Variants in RIMS2 observed in about 807,000 individuals in gnomAD.
RIMS2 encodes the protein regulating synaptic membrane exocytosis protein 2.
RIMS2 carries 59 observed loss-of-function variants against 174.4 expected under a neutral mutation model. The ratio of observed to expected loss-of-function variants is 0.34; its 90% CI spans 0.27 to 0.42. The LOEUF is 0.42. Ranked by LOEUF, RIMS2 falls within the 10% of genes least tolerant of loss-of-function variation. RIMS2 has a pLI of 1.00. For missense variants in RIMS2, 1,620 were observed against 1,666.3 expected (o/e 0.97, Z 0.48); for synonymous variants, 606 against 572.5 (o/e 1.06, Z -0.84).
rs374005483 is a variant in RIMS2, at chr8:103,695,085, C to G, written c.177-2001C>G. Among the ~76,000 whole-genome samples, 13 of 152,276 alleles carry G rather than the reference C, an allele frequency of 8.5e-5. No individual in the cohort carries two copies. In the South Asian group the frequency reaches 2.1e-3, roughly 24 times the overall value. On this transcript the variant is annotated intron_variant, in intron 1 of 23. Transcript: ENST00000504942. ...TGAGTGTTCTGTTCTCTCTTTTTCC[C>G]CCTAGCGATGAGTATCTCTGTTTAT... is the stretch of plus-strand genomic sequence containing the variant.
chr8:103,735,486 T>A (rs1159265233), intron 2 of RIMS2, among the ~76,000 whole-genome samples: 1 of 152,148 alleles, frequency 6.6e-6, no homozygotes, highest in Non-Finnish European at 1.5e-5. Flanking sequence ...TGTTCTTTTA[T>A]TTGAAGTTCT....
chr8:103,933,500 A>G (rs1054414582), intron 12 of RIMS2, among the ~76,000 whole-genome samples: 3 of 152,214 alleles, frequency 2.0e-5, no homozygotes, highest in African/African-American at 7.2e-5. Context: ...AATAAAAAAA[A>G]GAGTAAAAGA....
At chr8:103,784,693 C>G (rs2154435275) in intron 3 of RIMS2, among the ~76,000 whole-genome samples, 1 of 53,100 alleles carries the variant, frequency 1.9e-5, no homozygotes, top group South Asian at 7.5e-4. Flanking sequence ...AGTTTGAAGT[C>G]AGGTAGTGTG....
At chr8:103,978,838 T>G (rs1015583166) in intron 16 of RIMS2, among the ~76,000 whole-genome samples, 1 of 152,242 alleles carries the variant, frequency 6.6e-6, no homozygotes, top group Admixed American at 6.5e-5. Flanking sequence ...AATGTCAAAT[T>G]TATTGTGCGA....
At chr8:104,239,889 G>A (rs2099277683) in intron 19 of RIMS2, among the ~76,000 whole-genome samples, 1 of 152,108 alleles carries the variant, frequency 6.6e-6, no homozygotes, top group South Asian at 2.1e-4. Context: ...TTCTTGTCTG[G>A]AGGTTCTAGG....
At chr8:104,198,478 G>A (rs1024409448) in intron 19 of RIMS2, among the ~76,000 whole-genome samples, 1 of 152,184 alleles carries the variant, frequency 6.6e-6, no homozygotes, top group African/African-American at 2.4e-5. Flanking sequence ...GGAAAACAAT[G>A]ATTATTTCTA....
At chr8:103,837,439 T>A (rs925084595) in intron 3 of RIMS2, among the ~76,000 whole-genome samples, 5 of 152,198 alleles carry the variant, frequency 3.3e-5, no homozygotes, top group Admixed American at 2.6e-4. Flanking sequence ...TAGTTACATA[T>A]GTATACATGT....
intron 19 of RIMS2, among the ~76,000 whole-genome samples, chr8:104,027,323 C>T (rs553791887): frequency 4.3e-4 from 66 of 152,214 alleles, no homozygotes; most frequent in African/African-American, 1.6e-3. Context: ...ATTTCTTTTC[C>T]TAACCTTTCC....
chr8:103,788,378 T>A, intron 3 of RIMS2, among the ~76,000 whole-genome samples: 1 of 145,590 alleles, frequency 6.9e-6, no homozygotes, highest in Non-Finnish European at 1.5e-5. Flanking sequence ...TTTTCTGTTC[T>A]GTTTTTTCCC....
At chr8:103,779,902 TTA>T (rs2098367678) in intron 3 of RIMS2, among the ~76,000 whole-genome samples, 1 of 148,988 alleles carries the variant, frequency 6.7e-6, no homozygotes, top group Non-Finnish European at 1.5e-5. Flanking sequence ...TAAGGTATAA[TTA>T]AAAAAAAAAA....
chr8:103,989,839 C>A (rs1216215083), intron 17 of RIMS2, among the ~76,000 whole-genome samples: 2 of 152,140 alleles, frequency 1.3e-5, no homozygotes, highest in African/African-American at 2.4e-5. Context: ...TGACTTTTCA[C>A]ATATGGAAGT....
At chr8:104,170,863 C>G (rs2098828139) in intron 19 of RIMS2, among the ~76,000 whole-genome samples, 1 of 151,938 alleles carries the variant, frequency 6.6e-6, no homozygotes, top group Non-Finnish European at 1.5e-5. Context: ...AGCAGCAAAT[C>G]CCCTCAAGAT....
At chr8:103,511,610 G>A (rs980706933) in intron 1 of RIMS2, among the ~76,000 whole-genome samples, 5 of 152,100 alleles carry the variant, frequency 3.3e-5, no homozygotes, top group Non-Finnish European at 7.4e-5. Flanking sequence ...ATAATCAGTT[G>A]TTTAACTTAG....
intron 3 of RIMS2, among the ~76,000 whole-genome samples, chr8:103,876,909 TAC>T (rs1554922575): frequency 3.0e-5 from 2 of 66,112 alleles, no homozygotes; most frequent in Non-Finnish European, 7.3e-5. Flanking sequence ...TATATATATA[TAC>T]ACACACACCC....
chr8:103,822,730 C>T (rs7833762), intron 3 of RIMS2, among the ~76,000 whole-genome samples: 23,863 of 151,798 alleles, frequency 0.16, 1,980 homozygotes, highest in Middle Eastern at 0.24. Flanking sequence ...CATAAACTCA[C>T]TTGACTCACT....
In RIMS2 at chr8:104,228,736, A is replaced by G. The variant is rs28567509; in HGVS notation, c.3335-16180A>G. ...CCATCTTCATGAAGCCAACCTTGGA[A>G]GCAGGACATGGATAGACAGTTACTA... On this transcript the variant is annotated intron_variant, in intron 19 of 23. Coordinates refer to ENST00000504942, the Ensembl canonical transcript of RIMS2. Among the ~76,000 whole-genome samples the G allele has an allele frequency of 9.9e-3, 1,510 of 152,332 alleles. 21 individuals are homozygous for G. The highest frequency in any genetic ancestry group is 0.033 in the African/African-American group (1,361 of 41,570).
intron 19 of RIMS2, among the ~76,000 whole-genome samples, chr8:104,176,168 A>T (rs2098891913): frequency 6.6e-6 from 1 of 152,126 alleles, no homozygotes; most frequent in South Asian, 2.1e-4. Context: ...TTTCATTGCC[A>T]CATATCTGGC....
chr8:103,507,657 G>C (rs996090386), intron 1 of RIMS2, among the ~76,000 whole-genome samples: 2 of 152,050 alleles, frequency 1.3e-5, no homozygotes, highest in African/African-American at 4.8e-5. Context: ...CAGTGTTTGT[G>C]TATGATTGCA....
chr8:104,025,708 T>TAC (rs34638633), intron 19 of RIMS2, among the ~76,000 whole-genome samples: 14,667 of 149,284 alleles, frequency 0.098, 750 homozygotes, highest in Middle Eastern at 0.14. Context: ...GTTAAACGTA[T>TAC]ACACACACAC....
Sources: allele counts gnomAD v4.1 joint callset (sites outside exome capture counted in the v4.1 genomes callset), GRCh38; gene constraint gnomAD v4.1.1; transcripts MANE v1.5; gene names NCBI Gene and HGNC (gene_info 2026-07-23, HGNC 2026-07-21).